Variants in SESN1 observed in about 807,000 individuals in gnomAD.
The protein encoded by SESN1 is sestrin 1.
In SESN1, 30 loss-of-function variants were observed where a neutral mutation model predicts 59.3. The ratio of observed to expected loss-of-function variants is 0.51; its 90% CI spans 0.38 to 0.69. SESN1 has a LOEUF of 0.69. Ranked by LOEUF, SESN1 falls within the 30% of genes least tolerant of loss-of-function variation. The pLI, the probability that SESN1 is intolerant of heterozygous loss-of-function variation, is 0.00. For missense variants in SESN1, 566 were observed against 673.0 expected, an observed-to-expected ratio of 0.84 and a Z score of 1.76; for synonymous variants, 197 against 219.9, an observed-to-expected ratio of 0.90 and a Z score of 0.92.
At chr6:109,044,968 A>G (rs1780401733) in intron 1 of SESN1, among the ~76,000 whole-genome samples, 1 of 151,964 alleles carries the variant, frequency 6.6e-6, no homozygotes, top group Admixed American at 6.5e-5. Flanking sequence ...GGTTGCGGTG[A>G]GCTGAGATTG....
At chr6:108,997,540 C>T (rs1354144559) in intron 5 of SESN1, among the ~76,000 whole-genome samples, 2 of 152,164 alleles carry the variant, frequency 1.3e-5, no homozygotes, top group Non-Finnish European at 2.9e-5. Flanking sequence ...TCTTATTTAG[C>T]ACCTGACAAA....
chr6:109,074,648 G>C (rs1013625822), intron 1 of SESN1, among the ~76,000 whole-genome samples: 1 of 152,130 alleles, frequency 6.6e-6, no homozygotes, highest in Non-Finnish European at 1.5e-5. Context: ...ACTTGACTTT[G>C]GGTGATCTGA....
At chr6:109,087,800 T>C (rs1428758089) in intron 1 of SESN1, among the ~76,000 whole-genome samples, 1 of 152,204 alleles carries the variant, frequency 6.6e-6, no homozygotes, top group Non-Finnish European at 1.5e-5. Flanking sequence ...ATGAATTAAG[T>C]ATGCTTCTAA....
At chr6:109,056,553 G>C (rs1436330535) in intron 1 of SESN1, among the ~76,000 whole-genome samples, 1 of 152,174 alleles carries the variant, frequency 6.6e-6, no homozygotes, top group Non-Finnish European at 1.5e-5. Flanking sequence ...TGGACAGTAG[G>C]CTAACCCAAG....
At chr6:108,999,802 G>A (rs1464109136) in intron 4 of SESN1, 4 of 152,044 alleles carry the variant, frequency 2.6e-5, no homozygotes, top group East Asian at 1.9e-4. Context: ...AACTTTTGTC[G>A]ACAAAAAACA....
intron 1 of SESN1, among the ~76,000 whole-genome samples, chr6:109,007,310 A>G (rs1255332488): frequency 2.0e-5 from 3 of 152,230 alleles, no homozygotes; most frequent in Admixed American, 6.5e-5. Context: ...TTTGTGAGAT[A>G]CATTTATGCA....
At chr6:109,007,785 C>CTTTTTTT (rs3083610) in intron 1 of SESN1, among the ~76,000 whole-genome samples, 3 of 103,352 alleles carry the variant, frequency 2.9e-5, no homozygotes, top group Non-Finnish European at 6.2e-5. Context: ...AGTCCAGGTA[C>CTTTTTTT]TTTTTTTTTT....
At chr6:109,079,859 A>G (rs1366308204) in intron 1 of SESN1, among the ~76,000 whole-genome samples, 1 of 152,242 alleles carries the variant, frequency 6.6e-6, no homozygotes, top group Non-Finnish European at 1.5e-5. Flanking sequence ...TTGAATCTGA[A>G]GTATGCATGA....
chr6:109,091,461 T>C (rs138619239), intron 1 of SESN1, among the ~76,000 whole-genome samples: 77 of 152,298 alleles, frequency 5.1e-4, no homozygotes, highest in African/African-American at 1.8e-3. Flanking sequence ...CCTCTTAAGC[T>C]ATTCACGCCA....
rs1562449024 is a variant in SESN1, at chr6:108,984,404, C to T, written c.*3140G>A. Among the ~76,000 whole-genome samples, 1 of 152,188 alleles carries T rather than the reference C, an allele frequency of 6.6e-6. No homozygotes were observed. Among genetic ancestry groups the T allele is most frequent in the African/African-American group, 2.4e-5 (1 of 41,436 alleles). The stretch of plus-strand genomic sequence containing the variant: ...TGCCTAGTGAGTGTTTTCTTCCTCA[C>T]AGATGGCACACTCTAGCTGTGTCCT... On this transcript the variant is annotated 3_prime_UTR_variant, in exon 10 of 10. Transcript: ENST00000436639.
chr6:109,045,898 G>A (rs947120198), intron 1 of SESN1, among the ~76,000 whole-genome samples: 2 of 152,124 alleles, frequency 1.3e-5, no homozygotes, highest in African/African-American at 4.8e-5. Context: ...ATAAATGTGA[G>A]GCACGATATG....
In SESN1 at chr6:109,094,049, T is replaced by G; in HGVS notation, c.25A>C (p.Arg9=). 6.2e-7 allele frequency: 1 copy of G among 1,613,854 alleles called. No individual in the cohort carries two copies. Among genetic ancestry groups the G allele is most frequent in the Non-Finnish European group, 8.5e-7 (1 of 1,179,790 alleles). ...TCTCTGCTGCAGAGTCCATCCCATC[T>G]CACTTCATTCTCTCCTTCAGCCATG... The part of the protein sequence containing the change: MAEGENEV[R]WDGLCSRDST... Residue 9 remains arginine (R), a synonymous_variant, in exon 1 of 10, where the codon AGA becomes CGA. Transcript: ENST00000436639.
Position 109,094,427 on chromosome 6 carries a change from G to A in SESN1, c.-354C>T, listed in dbSNP as rs940231833. On this transcript the variant is annotated 5_prime_UTR_variant, in exon 1 of 10. Coordinates refer to ENST00000436639, the MANE Select transcript of SESN1 (RefSeq NM_014454.3). ...CACGTTGTGGAGCTGTCAAATCCGTGCTCTGCCCCAAAAGGCTGTTAACAG... is the reference window on the plus strand; with the variant it reads ...CACGTTGTGGAGCTGTCAAATCCGTACTCTGCCCCAAAAGGCTGTTAACAG... 4 of 261,386 alleles carry A rather than the reference G, an allele frequency of 1.5e-5. No homozygotes were observed. Among genetic ancestry groups the A allele is most frequent in the Non-Finnish European group, 3.0e-5 (4 of 135,362 alleles). 16.2% of individuals were successfully genotyped at this position (261,386 alleles called of 1,614,324 possible).
intron 1 of SESN1, among the ~76,000 whole-genome samples, chr6:109,038,471 T>C (rs187635809): frequency 1.4e-3 from 206 of 145,338 alleles, no homozygotes; most frequent in African/African-American, 5.3e-3. Context: ...CACTCCAGCC[T>C]GGGTAAGACA....
At chr6:109,058,231 C>T (rs949361251) in intron 1 of SESN1, among the ~76,000 whole-genome samples, 9 of 152,232 alleles carry the variant, frequency 5.9e-5, no homozygotes, top group African/African-American at 2.2e-4. Context: ...CCTACAGGCA[C>T]ACACCACCAC....
chr6:108,992,110 A>AT (rs1280123229), intron 7 of SESN1, among the ~76,000 whole-genome samples: 2 of 151,744 alleles, frequency 1.3e-5, no homozygotes, highest in East Asian at 3.9e-4. Flanking sequence ...CTTATTTATT[A>AT]TTTTTTGAGA....
intron 1 of SESN1, among the ~76,000 whole-genome samples, chr6:109,027,657 C>A (rs1245659438): frequency 6.6e-6 from 1 of 151,944 alleles, no homozygotes; most frequent in Admixed American, 6.6e-5. Flanking sequence ...TGGTGAGGAG[C>A]AGGTTGTTAC....
At chr6:108,998,823 A>C (rs1276632055) in intron 4 of SESN1, 68 bp from the exon 5 acceptor site, 9 of 1,482,362 alleles carry the variant, frequency 6.1e-6, no homozygotes, top group Non-Finnish European at 8.1e-6. Flanking sequence ...AGTTCATTTT[A>C]GTATTTAATT....
chr6:108,997,515 T>A (rs1454187594), intron 5 of SESN1, among the ~76,000 whole-genome samples: 5 of 152,220 alleles, frequency 3.3e-5, no homozygotes, highest in Non-Finnish European at 7.3e-5. Flanking sequence ...AATTTCACCA[T>A]ATGTAAATGC....
Sources: allele counts gnomAD v4.1 joint callset (sites outside exome capture counted in the v4.1 genomes callset), GRCh38; gene constraint gnomAD v4.1.1; transcripts MANE v1.5; gene names NCBI Gene and HGNC (gene_info 2026-07-23, HGNC 2026-07-21).